ACAA2: variants seen among roughly 807,000 people sequenced by gnomAD.
The protein encoded by ACAA2 is 3-ketoacyl-CoA thiolase, mitochondrial.
In ACAA2, 35 loss-of-function variants were observed where a neutral mutation model predicts 44.8. The observed-to-expected ratio is 0.78, with a 90% confidence interval of 0.60 to 1.04. The LOEUF is 1.04. Among genes scored for constraint, ACAA2 ranks in the 50% least tolerant of loss-of-function variants. The pLI is 0.00. For synonymous variants in ACAA2, 142 were observed against 166.5 expected (o/e 0.85, Z 1.13); for missense variants, 468 against 482.6 (o/e 0.97, Z 0.28).
intron 7 of ACAA2, among the ~76,000 whole-genome samples, chr18:49,790,180 A>G (rs925270415): frequency 6.6e-6 from 1 of 152,250 alleles, no homozygotes; most frequent in Admixed American, 6.5e-5. Context: ...TGGATAGCCA[A>G]AAGCTAATAA....
chr18:49,789,616 T>C (rs937886894), intron 7 of ACAA2, among the ~76,000 whole-genome samples: 1 of 152,122 alleles, frequency 6.6e-6, no homozygotes, highest in Non-Finnish European at 1.5e-5. Flanking sequence ...AAAAGGAGTA[T>C]AAAATAGCCA....
chr18:49,806,587 A>G (rs1464130012), intron 1 of ACAA2, among the ~76,000 whole-genome samples: 1 of 152,242 alleles, frequency 6.6e-6, no homozygotes, highest in African/African-American at 2.4e-5. Context: ...TTCCATCTGC[A>G]ATATTCATAA....
chr18:49,784,067 G>T, intron 9 of ACAA2, 136 bp from the exon 10 acceptor site: 2 of 726,324 alleles, frequency 2.8e-6, no homozygotes, highest in Non-Finnish European at 4.7e-6. Flanking sequence ...CCTCAATTTT[G>T]GTATAATTAC....
Position 49,784,189 on chromosome 18 carries a change from T to A in ACAA2, c.1110-258A>T, listed in dbSNP as rs571970718. Among the ~76,000 whole-genome samples the A allele has an allele frequency of 3.3e-5, 5 of 151,798 alleles. No homozygotes were observed. In the East Asian group the frequency reaches 9.7e-4, roughly 29 times the overall value. Reference sequence around the variant, plus strand: ...GCAAACTAAAAAGGAGATGAGTGGATTTAGGGTTATAGAGTAGATTTAGGG... The same window carrying A: ...GCAAACTAAAAAGGAGATGAGTGGAATTAGGGTTATAGAGTAGATTTAGGG... On this transcript the variant is annotated intron_variant, in intron 9 of 9. Transcript: ENST00000285093.
chr18:49,800,418 G>A lies in ACAA2; in HGVS notation c.183+2269C>T, dbSNP rs182288329. Among the ~76,000 whole-genome samples, 1,104 of 152,340 alleles carry A rather than the reference G, an allele frequency of 7.2e-3. 5 individuals are homozygous for A. Among genetic ancestry groups the A allele is most frequent in the Non-Finnish European group, 0.011 (743 of 68,028 alleles). On this transcript the variant is annotated intron_variant, in intron 2 of 9. Coordinates refer to ENST00000285093, the MANE Select transcript of ACAA2 (RefSeq NM_006111.3). ...GTGTGCCCAGCAGCTCATGGAGAAC[G>A]GGCCATGATGACCGTGGCGGTTTTG...
intron 2 of ACAA2, among the ~76,000 whole-genome samples, chr18:49,800,285 C>T (rs1057266571): frequency 3.4e-5 from 5 of 149,182 alleles, no homozygotes; most frequent in African/African-American, 1.2e-4. Context: ...GGGGGTCAGC[C>T]CCCCGCCCGG....
intron 2 of ACAA2, among the ~76,000 whole-genome samples, chr18:49,802,360 G>A (rs901668122): frequency 8.6e-5 from 13 of 151,934 alleles, no homozygotes; most frequent in African/African-American, 2.9e-4. Context: ...TCAAGAGATC[G>A]AGACCATCCT....
intron 7 of ACAA2, among the ~76,000 whole-genome samples, chr18:49,790,428 T>C (rs1231800654): frequency 6.6e-6 from 1 of 152,180 alleles, no homozygotes; most frequent in Non-Finnish European, 1.5e-5. Flanking sequence ...GAAGGATCTC[T>C]GAGATGGCAG....
At chr18:49,792,368 G>T (rs1359175605) in intron 5 of ACAA2, 41 bp from the exon 6 acceptor site, 2 of 1,495,568 alleles carry the variant, frequency 1.3e-6, no homozygotes, top group Non-Finnish European at 1.8e-6. Context: ...ATAAAAGAGA[G>T]AAACATGAAA....
intron 8 of ACAA2, 37 bp from the exon 9 acceptor site, chr18:49,785,388 A>G (rs1339054098): frequency 1.2e-6 from 2 of 1,601,074 alleles, no homozygotes; most frequent in Non-Finnish European, 1.7e-6. Context: ...AAAAATCCTT[A>G]CTCACAAACT....
intron 7 of ACAA2, among the ~76,000 whole-genome samples, chr18:49,788,249 A>C (rs911551071): frequency 6.6e-6 from 1 of 152,242 alleles, no homozygotes; most frequent in African/African-American, 2.4e-5. Flanking sequence ...AAAGAATGAA[A>C]CTGCCAAAAA....
intron 5 of ACAA2, among the ~76,000 whole-genome samples, chr18:49,792,538 G>A (rs763101278): frequency 1.1e-4 from 17 of 152,006 alleles, no homozygotes; most frequent in Admixed American, 2.6e-4. Context: ...TCTGCCTCCC[G>A]GGTTCAAGTG....
rs745865904 is a variant in ACAA2, at chr18:49,785,204, C to T, written c.1102G>A (p.Glu368Lys). ...GCTATTTCTAGCAAATACCTTAATT[C>T]GTGAACCAGGTGTGCAGTAATTCTT... ...GSRITAHLVH[E>K]LRRRGGKYAV... The change falls in exon 9 of 10, where the codon GAA becomes AAA. Residue 368 changes from glutamate (E) to lysine (K), a missense_variant. Glu to Lys is a moderately conservative substitution (Grantham distance 56, BLOSUM62 1). Coordinates refer to ENST00000285093, the MANE Select transcript of ACAA2 (RefSeq NM_006111.3). The T allele has an allele frequency of 8.3e-5, 134 of 1,608,466 alleles. No homozygotes were observed. Among genetic ancestry groups the T allele is most frequent in the Middle Eastern group, 3.3e-4 (2 of 6,068 alleles).
At chr18:49,805,590 T>A (rs1415117758) in intron 1 of ACAA2, among the ~76,000 whole-genome samples, 1 of 151,898 alleles carries the variant, frequency 6.6e-6, no homozygotes, top group African/African-American at 2.4e-5. Flanking sequence ...TTTGAGACAG[T>A]CTTGCTCTGT....
chr18:49,807,124 G>C (rs921723350), intron 1 of ACAA2, among the ~76,000 whole-genome samples: 2 of 152,204 alleles, frequency 1.3e-5, no homozygotes, highest in Non-Finnish European at 2.9e-5. Context: ...GCTGGGCACT[G>C]TGGCTCAAGC....
intron 2 of ACAA2, among the ~76,000 whole-genome samples, chr18:49,799,363 C>G (rs975397505): frequency 2.0e-5 from 3 of 151,636 alleles, no homozygotes; most frequent in Admixed American, 6.6e-5. Context: ...TGCAGGCACG[C>G]GCCGCCACGC....
At position 49,801,785 on chromosome 18, in the gene ACAA2, C is replaced by CATATATATATATATATAT. The variant is rs55864039; in HGVS notation, c.183+884_183+901dup. 9.6e-3 allele frequency among the ~76,000 whole-genome samples: 1,072 copies of CATATATATATATATATAT among 111,958 alleles called. 15 individuals carry two copies. The highest frequency in any genetic ancestry group is 0.015 in the South Asian group (45 of 3,052). The allele number at this position is 111,958 out of a possible 152,430, so 73.4% of individuals were successfully genotyped here. A position where few individuals can be genotyped will look rare whatever the true frequency, so the allele number is the denominator to read the frequency against. On this transcript the variant is annotated intron_variant, in intron 2 of 9. Transcript: ENST00000285093. ...CATAAGATATATCACAGAAACTGAT[C>CATATATATATATATATAT]ATATATATATATATATATATATATA... is the stretch of plus-strand genomic sequence containing the variant.
intron 7 of ACAA2, among the ~76,000 whole-genome samples, chr18:49,789,942 ACT>A (rs1413752426): frequency 4.6e-5 from 7 of 151,536 alleles, no homozygotes; most frequent in African/African-American, 7.3e-5. Flanking sequence ...ACAAAGCGAG[ACT>A]CTGTGTCAAA....
At chr18:49,800,254 G>A (rs1352500010) in intron 2 of ACAA2, among the ~76,000 whole-genome samples, 3 of 146,596 alleles carry the variant, frequency 2.0e-5, no homozygotes, top group African/African-American at 7.6e-5. Flanking sequence ...CAGCCGCCCC[G>A]TCCGGGAGGG....
Sources: allele counts gnomAD v4.1 joint callset (sites outside exome capture counted in the v4.1 genomes callset), GRCh38; gene constraint gnomAD v4.1.1; transcripts MANE v1.5; gene names NCBI Gene and HGNC (gene_info 2026-07-23, HGNC 2026-07-21).